The following VPS41 variants were observed in gnomAD, a reference collection of about 807,000 sequenced individuals.
VPS41 encodes the protein VPS41 subunit of HOPS complex.
Under a neutral mutation model 130.9 loss-of-function variants are expected in VPS41, and 85 were observed. The ratio of observed to expected loss-of-function variants is 0.65; its 90% CI spans 0.55 to 0.78. The LOEUF (loss-of-function observed/expected upper bound fraction) is 0.78. Ranked by LOEUF, VPS41 falls within the 30% of genes least tolerant of loss-of-function variation. The pLI, the probability that VPS41 is intolerant of heterozygous loss-of-function variation, is 0.00. For missense variants in VPS41, 874 were observed against 1,018.7 expected (o/e 0.86, Z 1.93); for synonymous variants, 335 against 332.9 (o/e 1.01, Z -0.07).
At chr7:38,861,175 G>T (rs1008514444) in intron 4 of VPS41, among the ~76,000 whole-genome samples, 2 of 152,156 alleles carry the variant, frequency 1.3e-5, no homozygotes, top group Admixed American at 1.3e-4. Context: ...TTTGGCAATG[G>T]AACCAATGGT....
At chr7:38,870,008 C>G (rs1786316018) in intron 2 of VPS41, among the ~76,000 whole-genome samples, 1 of 152,260 alleles carries the variant, frequency 6.6e-6, no homozygotes, top group Middle Eastern at 3.4e-3. Context: ...TCCAGGGCAG[C>G]AGAGAATTGA....
In VPS41 at chr7:38,726,918, C is replaced by G. The variant is rs765607951; in HGVS notation, c.2475G>C (p.Met825Ile). The change falls in exon 28 of 29, where the codon ATG becomes ATC. Residue 825 changes from methionine to isoleucine, a missense_variant. By Grantham distance (10) the Met-to-Ile change is conservative. Coordinates refer to ENST00000310301, the MANE Select transcript of VPS41 (RefSeq NM_014396.4). Reference sequence around the variant, plus strand: ...CAAGCTGCCAACTCACCATGCTGGGCATGGGCAGGCACTCCTTGTGGAACA... The same window carrying G: ...CAAGCTGCCAACTCACCATGCTGGGGATGGGCAGGCACTCCTTGTGGAACA... ...RHMFHKECLP[M>I]PSMNSAAQFC... is the part of the protein sequence containing the mutation. 1 of 1,575,004 alleles carries G rather than the reference C, an allele frequency of 6.3e-7. No homozygotes were observed. The highest frequency in any genetic ancestry group is 1.8e-5 in the Admixed American group (1 of 54,398).
In VPS41 at chr7:38,743,455, T is replaced by A. The variant is rs921500785; in HGVS notation, c.2069A>T (p.Gln690Leu). ...VDKAIEFAKE[Q>L]DDGELWEDLI... is the part of the protein sequence containing the mutation. ...ATCTTCCCACAGCTCTCCATCATCT[T>A]GCTCCTTGGCAAATTCGATTGCTTT... The change falls in exon 24 of 29, where the codon CAA (glutamine) becomes CTA (leucine). Residue 690 changes from glutamine (Q) to leucine (L), a missense_variant. By Grantham distance (113) the Gln-to-Leu change is moderately radical. Coordinates refer to ENST00000310301, the MANE Select transcript of VPS41 (RefSeq NM_014396.4). The A allele has an allele frequency of 6.2e-7, 1 of 1,613,950 alleles. No homozygotes were observed. The highest frequency in any genetic ancestry group is 8.5e-7 in the Non-Finnish European group (1 of 1,179,922).
chr7:38,864,016 T>C (rs1786175254), intron 3 of VPS41, among the ~76,000 whole-genome samples: 1 of 152,172 alleles, frequency 6.6e-6, no homozygotes, highest in South Asian at 2.1e-4. Context: ...TGACAATATT[T>C]AAATAGAAAA....
chr7:38,795,751 T>A, intron 8 of VPS41, 140 bp from the exon 9 acceptor site: 1 of 704,156 alleles, frequency 1.4e-6, no homozygotes, highest in East Asian at 3.0e-5. Flanking sequence ...AGGAAAATGC[T>A]CCTGCTCCAC....
At chr7:38,733,007 T>C (rs183764129) in intron 25 of VPS41, among the ~76,000 whole-genome samples, 1 of 152,254 alleles carries the variant, frequency 6.6e-6, no homozygotes, top group Non-Finnish European at 1.5e-5. Flanking sequence ...TATGTATTTT[T>C]AGTACAGACA....
chr7:38,805,464 CAG>C (rs1784821923), intron 7 of VPS41, among the ~76,000 whole-genome samples: 1 of 151,598 alleles, frequency 6.6e-6, no homozygotes. Context: ...ACCTGGGAAG[CAG>C]AGATTGCAGT....
At chr7:38,726,395 AC>A (rs1270803600) in intron 28 of VPS41, 69 bp from the exon 29 acceptor site, 25 of 1,255,942 alleles carry the variant, frequency 2.0e-5, no homozygotes, top group Non-Finnish European at 2.9e-5. Flanking sequence ...ATTCAGAAAC[AC>A]TAAGGTAGCG....
intron 2 of VPS41, among the ~76,000 whole-genome samples, chr7:38,872,814 C>G (rs1786400182): frequency 6.6e-6 from 1 of 152,140 alleles, no homozygotes; most frequent in Admixed American, 6.5e-5. Context: ...TATGTAAATA[C>G]AAGCAAGAAA....
chr7:38,757,777 C>T (rs1783830729), intron 18 of VPS41, among the ~76,000 whole-genome samples: 1 of 152,126 alleles, frequency 6.6e-6, no homozygotes, highest in Non-Finnish European at 1.5e-5. Context: ...CAGTATACTT[C>T]TTGTTTCCCT....
intron 5 of VPS41, among the ~76,000 whole-genome samples, chr7:38,822,540 T>C (rs1785192780): frequency 6.6e-6 from 1 of 152,248 alleles, no homozygotes; most frequent in South Asian, 2.1e-4. Flanking sequence ...TATTATTTCA[T>C]GTATGAATAT....
intron 2 of VPS41, among the ~76,000 whole-genome samples, chr7:38,891,992 T>C (rs974206105): frequency 1.3e-5 from 2 of 152,044 alleles, no homozygotes; most frequent in African/African-American, 2.4e-5. Context: ...TTTTGAGGTA[T>C]AACAGGAACT....
intron 4 of VPS41, among the ~76,000 whole-genome samples, chr7:38,855,844 G>C (rs1785970024): frequency 1.3e-5 from 2 of 152,152 alleles, no homozygotes; most frequent in Admixed American, 1.3e-4. Context: ...CTGAACATAA[G>C]GGTTACTTTC....
At position 38,886,442 on chromosome 7, in the gene VPS41, G is replaced by T. The variant is rs548156014; in HGVS notation, c.60+11649C>A. Among the ~76,000 whole-genome samples, 4 of 152,314 alleles carry T rather than the reference G, an allele frequency of 2.6e-5. No homozygotes were observed. In the South Asian group the frequency reaches 8.3e-4, roughly 32 times the overall value. ...TGACCTGGGATGCCGGAGCTTGGTG[G>T]GGGGAGGGGTGTCTGCCGTTACTGA... On this transcript the variant is annotated intron_variant, in intron 2 of 28. Coordinates refer to ENST00000310301, the MANE Select transcript of VPS41 (RefSeq NM_014396.4).
chr7:38,906,506 T>C (rs1787267625), intron 1 of VPS41, among the ~76,000 whole-genome samples: 2 of 152,112 alleles, frequency 1.3e-5, no homozygotes, highest in African/African-American at 4.8e-5. Flanking sequence ...GCCTGGCTAA[T>C]TTTTGTAATT....
chr7:38,817,289 G>C (rs73115623), intron 7 of VPS41, among the ~76,000 whole-genome samples: 9,190 of 152,120 alleles, frequency 0.06, 285 homozygotes, highest in Middle Eastern at 0.079. Flanking sequence ...TTATTTTCTT[G>C]TCCTATATCT....
At position 38,724,598 on chromosome 7, in the gene VPS41, T is replaced by TC. The variant is rs1795501115; in HGVS notation, c.*1647dup. On this transcript the variant is annotated 3_prime_UTR_variant, in exon 29 of 29. Transcript: ENST00000310301. ...CTTGGCCCTATGATTTCTTTTCTTT[T>TC]CTTTTCTTTTTTGAGACGGAGTTTT... is the stretch of plus-strand genomic sequence containing the variant. The TC allele has an allele frequency of 7.1e-6, 1 of 140,910 alleles. No homozygotes were observed. Among genetic ancestry groups the TC allele is most frequent in the Non-Finnish European group, 1.5e-5 (1 of 66,954 alleles). 8.7% of individuals were successfully genotyped at this position (140,910 alleles called of 1,614,324 possible).
intron 22 of VPS41, among the ~76,000 whole-genome samples, chr7:38,751,496 T>G (rs1783671674): frequency 6.6e-6 from 1 of 152,218 alleles, no homozygotes; most frequent in Non-Finnish European, 1.5e-5. Flanking sequence ...TAGTCCTTAT[T>G]TAGCCCGAAC....
chr7:38,881,474 G>T (rs891933160), intron 2 of VPS41, among the ~76,000 whole-genome samples: 1 of 152,126 alleles, frequency 6.6e-6, no homozygotes. Flanking sequence ...CAGGTTCCAG[G>T]GATTAGGATG....
Sources: allele counts gnomAD v4.1 joint callset (sites outside exome capture counted in the v4.1 genomes callset), GRCh38; gene constraint gnomAD v4.1.1; transcripts MANE v1.5; gene names NCBI Gene and HGNC (gene_info 2026-07-23, HGNC 2026-07-21).